The following OTOGL variants were observed in gnomAD, a reference collection of about 807,000 sequenced individuals.
OTOGL encodes the protein otogelin like.
OTOGL carries 285 observed loss-of-function variants against 318.5 expected under a neutral mutation model. That is an observed-to-expected ratio of 0.89 (90% CI 0.81 to 0.99). The LOEUF is 0.99. Ranked by LOEUF, OTOGL falls within the 50% of genes least tolerant of loss-of-function variation. The probability of loss-of-function intolerance (pLI) is 0.00; values close to 1 mark genes in which losing one functional copy is unlikely to be tolerated. For missense variants in OTOGL, 2,899 were observed against 2,845.6 expected (o/e 1.02, Z -0.43); for synonymous variants, 987 against 936.5 (o/e 1.05, Z -0.99).
intron 14 of OTOGL, among the ~76,000 whole-genome samples, 184 bp from the exon 15 acceptor site, chr12:80,254,340 G>A (rs1362378294): frequency 1.4e-5 from 2 of 147,586 alleles, no homozygotes; most frequent in African/African-American, 2.5e-5. Context: ...ATGCAGAGAT[G>A]ATTTTTTTAT....
chr12:80,227,950 G>C (rs1044363715), intron 7 of OTOGL, among the ~76,000 whole-genome samples: 10 of 151,958 alleles, frequency 6.6e-5, no homozygotes, highest in African/African-American at 2.4e-4. Flanking sequence ...ATATATTTTA[G>C]CTTCACATAG....
chr12:80,341,282 G>T (rs1888754047), intron 43 of OTOGL, among the ~76,000 whole-genome samples: 1 of 152,104 alleles, frequency 6.6e-6, no homozygotes, highest in Non-Finnish European at 1.5e-5. Context: ...AAGGGAAATT[G>T]CCTGTGTCCT....
intron 1 of OTOGL, among the ~76,000 whole-genome samples, chr12:80,143,075 A>G (rs1412564737): frequency 2.0e-5 from 3 of 152,138 alleles, no homozygotes; most frequent in Non-Finnish European, 4.4e-5. Context: ...TTGGGTGGCA[A>G]AGGCTGACCT....
At chr12:80,123,575 A>G (rs574419472) in intron 1 of OTOGL, among the ~76,000 whole-genome samples, 3 of 152,278 alleles carry the variant, frequency 2.0e-5, no homozygotes, top group African/African-American at 7.2e-5. Context: ...GCTGGGTCAA[A>G]TGGTATTTCT....
Position 80,229,316 on chromosome 12 carries a change from G to T in OTOGL, c.549G>T (p.Leu183Phe), listed in dbSNP as rs1565913686. The change falls in exon 8 of 59, where the codon TTG becomes TTT. Residue 183 changes from leucine (L) to phenylalanine (F), a missense_variant. This residue lies in a region of OTOGL where 2,607 missense variants were observed against 2,524.9 expected (regional missense o/e 1.03). Coordinates refer to ENST00000547103, the MANE Select transcript of OTOGL (RefSeq NM_001378609.3). ...SVYSCYRSIS[L>F]FFSNQEEIRI... ...ATTCTTGTTATCGGTCAATCAGCTTGTTCTTTTCAAACCAAGAGGAAATTC... is the reference window on the plus strand; with the variant it reads ...ATTCTTGTTATCGGTCAATCAGCTTTTTCTTTTCAAACCAAGAGGAAATTC... 6.3e-7 allele frequency: 1 copy of T among 1,595,892 alleles called. No homozygotes were observed. Among genetic ancestry groups the T allele is most frequent in the East Asian group, 2.2e-5 (1 of 44,824 alleles).
Position 80,154,736 on chromosome 12 carries a change from G to T in OTOGL, c.-19-54677G>T, listed in dbSNP as rs1873008865. Among the ~76,000 whole-genome samples the T allele has an allele frequency of 2.0e-5, 3 of 152,300 alleles. No individual in the cohort carries two copies. The South Asian group carries it at 6.2e-4, about 32-fold the overall frequency. The stretch of plus-strand genomic sequence containing the variant: ...TCCAGGTTTTGGCAAAAATAAAGCT[G>T]CTATAAACATCTGTGTACAGGTTTT... On this transcript the variant is annotated intron_variant, in intron 1 of 58. Transcript: ENST00000547103.
At chr12:80,198,462 T>C (rs1876235060) in intron 1 of OTOGL, among the ~76,000 whole-genome samples, 1 of 152,140 alleles carries the variant, frequency 6.6e-6, no homozygotes, top group Non-Finnish European at 1.5e-5. Context: ...CACGTGCCTG[T>C]AATCCCAGCT....
At chr12:80,158,583 A>G (rs1205873328) in intron 1 of OTOGL, among the ~76,000 whole-genome samples, 2 of 151,990 alleles carry the variant, frequency 1.3e-5, no homozygotes, top group Non-Finnish European at 2.9e-5. Flanking sequence ...ATACATATAT[A>G]TGTATAAGCT....
intron 52 of OTOGL, among the ~76,000 whole-genome samples, chr12:80,360,407 T>C: frequency 1.3e-5 from 1 of 76,598 alleles, no homozygotes; most frequent in Non-Finnish European, 2.4e-5. Flanking sequence ...TCCCTGTCTC[T>C]CCCCGCTCCC....
intron 30 of OTOGL, 83 bp from the exon 31 acceptor site, chr12:80,313,391 GAA>G (rs1370014432): frequency 3.0e-6 from 4 of 1,345,482 alleles, no homozygotes; most frequent in Non-Finnish European, 3.1e-6. Context: ...ATCAAACTTT[GAA>G]AACACATAGT....
At chr12:80,181,241 A>G (rs934205326) in intron 1 of OTOGL, among the ~76,000 whole-genome samples, 6 of 151,970 alleles carry the variant, frequency 3.9e-5, no homozygotes, top group African/African-American at 1.5e-4. Flanking sequence ...TGGGGCTTCA[A>G]TTTCCAATTG....
chr12:80,233,205 C>T, intron 9 of OTOGL, 108 bp downstream of exon 9: 1 of 961,370 alleles, frequency 1.0e-6, no homozygotes, highest in Non-Finnish European at 1.5e-6. Flanking sequence ...AAATTTGTGG[C>T]TGTCACTTGC....
At chr12:80,325,031 CTT>C (rs34300820) in intron 35 of OTOGL, among the ~76,000 whole-genome samples, 42 of 149,606 alleles carry the variant, frequency 2.8e-4, no homozygotes, top group East Asian at 2.2e-3. Context: ...GTATAAACAG[CTT>C]TTTTTTTTTA....
chr12:80,128,994 A>C (rs1322729313), intron 1 of OTOGL, among the ~76,000 whole-genome samples: 1 of 152,148 alleles, frequency 6.6e-6, no homozygotes, highest in African/African-American at 2.4e-5. Context: ...TTCCTGGGTG[A>C]GGTGATGCCT....
chr12:80,179,362 T>A (rs1337048636), intron 1 of OTOGL, among the ~76,000 whole-genome samples: 1 of 152,166 alleles, frequency 6.6e-6, no homozygotes, highest in Non-Finnish European at 1.5e-5. Flanking sequence ...AATTTGATCT[T>A]ATGTAAATCA....
chr12:80,224,815 C>T (rs1034170719), intron 7 of OTOGL, among the ~76,000 whole-genome samples: 6 of 151,858 alleles, frequency 4.0e-5, no homozygotes, highest in South Asian at 2.1e-4. Context: ...TACAAATCTT[C>T]GTGACCCAGA....
intron 9 of OTOGL, among the ~76,000 whole-genome samples, chr12:80,236,589 T>G (rs1879867344): frequency 6.6e-6 from 1 of 152,186 alleles, no homozygotes; most frequent in African/African-American, 2.4e-5. Flanking sequence ...AATGTTTTTG[T>G]TTCTTTAGAC....
intron 1 of OTOGL, among the ~76,000 whole-genome samples, chr12:80,173,674 G>A (rs896265605): frequency 6.6e-6 from 1 of 152,146 alleles, no homozygotes; most frequent in African/African-American, 2.4e-5. Context: ...AGCCCAATAG[G>A]TCTCAGCCTT....
chr12:80,342,095 C>A lies in OTOGL; in HGVS notation c.5198C>A (p.Thr1733Asn). 6.2e-7 allele frequency: 1 copy of A among 1,606,072 alleles called. No individual in the cohort carries two copies. Among genetic ancestry groups the A allele is most frequent in the Non-Finnish European group, 8.5e-7 (1 of 1,175,686 alleles). ...ATGAGAAGACCTGTTAGGAATTGTA[C>A]TGAGCATGATTGCAGCCAGTGCATT... ...VTMRRPVRNC[T>N]EHDCSQCIDL... The change falls in exon 44 of 59, where the codon ACT becomes AAT. Residue 1733 changes from threonine (T) to asparagine (N), a missense_variant. By Grantham distance (65) the Thr-to-Asn change is moderately conservative. Around this residue, in one of 3 missense-constraint regions of OTOGL, gnomAD observed 2,607 missense variants for 2,524.9 expected, o/e 1.03. Coordinates refer to ENST00000547103, the MANE Select transcript of OTOGL (RefSeq NM_001378609.3).
Sources: gnomAD v4.1 joint callset for allele counts (sites outside exome capture counted in the v4.1 genomes callset) on GRCh38, gnomAD v4.1.1 for gene constraint, gnomAD v4.1.1 regional missense constraint, MANE v1.5 for transcripts, NCBI Gene and HGNC (gene_info 2026-07-23, HGNC 2026-07-21) for gene names.